MCM8: variants seen among roughly 807,000 people sequenced by gnomAD.
The protein encoded by MCM8 is DNA helicase MCM8.
A neutral mutation model predicts 98.9 loss-of-function variants in MCM8; 85 were observed. That is an observed-to-expected ratio of 0.86 (90% CI 0.72 to 1.03). MCM8 has a LOEUF of 1.03. Ranked by LOEUF, MCM8 falls within the 50% of genes least tolerant of loss-of-function variation. The pLI is 0.00. For synonymous variants in MCM8, 352 were observed against 338.6 expected (o/e 1.04, Z -0.44); for missense variants, 951 against 997.8 (o/e 0.95, Z 0.63).
rs1352876924 is a variant in MCM8 at position 5,995,843 on chromosome 20, T to C, written c.*1452T>C. 1 of 152,164 alleles carries C rather than the reference T, an allele frequency of 6.6e-6. No homozygotes were observed. 9.4% of individuals were successfully genotyped at this position (152,164 alleles called of 1,614,324 possible). On this transcript the variant is annotated 3_prime_UTR_variant, in exon 19 of 19. Coordinates refer to ENST00000610722, the MANE Select transcript of MCM8 (RefSeq NM_032485.6). ...TTGGAGAATCTACTAAAATACGGCT[T>C]CCCGCAAACGAAGATGAATGGAAAA...
At chr20:5,985,573 C>G (rs1248564196) in intron 15 of MCM8, among the ~76,000 whole-genome samples, 3 of 151,698 alleles carry the variant, frequency 2.0e-5, no homozygotes, top group African/African-American at 7.3e-5. Flanking sequence ...GAGACATAGT[C>G]TCACTCTTAT....
rs970983979 is a variant in MCM8, at chr20:5,961,917, G to A, written c.790-1357G>A. The stretch of plus-strand genomic sequence containing the variant: ...TCTCTATTCCCGCCACTATTGTTGC[G>A]TAACACATCACTCCAAAACTCAGTG... On this transcript the variant is annotated intron_variant, in intron 7 of 18. Transcript: ENST00000610722. 5.3e-5 allele frequency among the ~76,000 whole-genome samples: 8 copies of A among 152,266 alleles called. No individual in the cohort carries two copies. The East Asian group carries it at 5.8e-4, about 11-fold the overall frequency.
At chr20:5,958,376 A>G (rs2089043200) in intron 6 of MCM8, 152 bp from the exon 7 acceptor site, 1 of 671,930 alleles carries the variant, frequency 1.5e-6, no homozygotes, top group Non-Finnish European at 2.5e-6. Context: ...TCAAGAAAAC[A>G]AAACACAACA....
At position 5,952,032 on chromosome 20, in the gene MCM8, G is replaced by A; in HGVS notation, c.17G>A (p.Arg6Lys). Residue 6 changes from arginine to lysine, a missense_variant, in exon 2 of 19, where the codon AGA becomes AAA. Physicochemically the swap from Arg to Lys is conservative, Grantham distance 26. Transcript: ENST00000610722. MNGEY[R>K]GRGFGRGRFQ... ...TTAGGAGAGATGAATGGAGAGTATAGAGGCAGAGGATTTGGACGAGGAAGA... is the reference window on the plus strand; with the variant it reads ...TTAGGAGAGATGAATGGAGAGTATAAAGGCAGAGGATTTGGACGAGGAAGA... The A allele has an allele frequency of 6.2e-7, 1 of 1,613,838 alleles. No homozygotes were observed.
chr20:5,954,148 A>G (rs2088909770), intron 3 of MCM8, among the ~76,000 whole-genome samples: 1 of 144,996 alleles, frequency 6.9e-6, no homozygotes, highest in Non-Finnish European at 1.5e-5. Context: ...TTAGAGTGTT[A>G]AAAAAAAAAA....
In MCM8 at chr20:5,958,619, G is replaced by T. The variant is rs564333787; in HGVS notation, c.682G>T (p.Val228Phe). 9.7e-5 allele frequency: 156 copies of T among 1,614,124 alleles called. No homozygotes were observed. Among genetic ancestry groups the T allele is most frequent in the Non-Finnish European group, 1.3e-4 (148 of 1,180,006 alleles). ...TGCTCTAAGAGGGACAGTGGTTCGT[G>T]TCAGTAATATAAAGCCTCTTTGCAC... Reference protein sequence around the residue: ...YIALRGTVVRVSNIKPLCTKM... With the variant: ...YIALRGTVVRFSNIKPLCTKM... Residue 228 changes from valine to phenylalanine, a missense_variant, in exon 7 of 19, where the codon GTC becomes TTC. Physicochemically the swap from Val to Phe is conservative, Grantham distance 50. Coordinates refer to ENST00000610722, the MANE Select transcript of MCM8 (RefSeq NM_032485.6).
intron 10 of MCM8, among the ~76,000 whole-genome samples, chr20:5,970,585 A>G (rs906342162): frequency 1.3e-5 from 2 of 152,210 alleles, no homozygotes; most frequent in African/African-American, 4.8e-5. Context: ...TTGTGTGGCC[A>G]TAGAAAGGTC....
chr20:5,991,147 T>C (rs894442950), intron 17 of MCM8: 14 of 152,266 alleles, frequency 9.2e-5, no homozygotes, highest in African/African-American at 3.1e-4. Context: ...CTCAACTGTT[T>C]ACTGTTTCCC....
intron 10 of MCM8, among the ~76,000 whole-genome samples, chr20:5,968,296 G>A (rs1483101331): frequency 6.6e-6 from 1 of 152,196 alleles, no homozygotes; most frequent in African/African-American, 2.4e-5. Context: ...TGTAATCCCA[G>A]CACTTTGGGA....
chr20:5,957,468 T>C (rs985357582), intron 6 of MCM8, among the ~76,000 whole-genome samples: 10 of 152,172 alleles, frequency 6.6e-5, no homozygotes, highest in South Asian at 2.1e-4. Context: ...TTTGTAAACA[T>C]TGGTTTTGGA....
intron 8 of MCM8, among the ~76,000 whole-genome samples, chr20:5,966,194 A>G (rs2089270612): frequency 6.6e-6 from 1 of 151,050 alleles, no homozygotes; most frequent in East Asian, 1.9e-4. Context: ...CCTCTTTGTA[A>G]CCATTTTATC....
chr20:5,991,019 C>G (rs1188496558), intron 17 of MCM8: 2 of 152,184 alleles, frequency 1.3e-5, no homozygotes, highest in African/African-American at 4.8e-5. Flanking sequence ...GACTGTTCAT[C>G]TGTCGAGCAA....
At chr20:5,965,472 A>G (rs1435981358) in intron 8 of MCM8, 1 of 152,138 alleles carries the variant, frequency 6.6e-6, no homozygotes, top group Non-Finnish European at 1.5e-5. Context: ...GTAAGTCCTT[A>G]TTATGGCGGT....
chr20:5,986,885 G>A (rs1807686275), intron 16 of MCM8, among the ~76,000 whole-genome samples: 1 of 152,178 alleles, frequency 6.6e-6, no homozygotes, highest in South Asian at 2.1e-4. Context: ...GGAGTTCAGT[G>A]GCATGATCAA....
In MCM8 at chr20:5,996,352, G is replaced by T. The variant is rs2089957497; in HGVS notation, c.*1961G>T. 1 of 149,618 alleles carries T rather than the reference G, an allele frequency of 6.7e-6. No homozygotes were observed. Among genetic ancestry groups the T allele is most frequent in the Admixed American group, 6.7e-5 (1 of 14,924 alleles). The allele number at this position is 149,618 out of a possible 1,614,324, so 9.3% of individuals were successfully genotyped here. A position where few individuals can be genotyped will look rare whatever the true frequency, so the allele number is the denominator to read the frequency against. On this transcript the variant is annotated 3_prime_UTR_variant, in exon 19 of 19. Coordinates refer to ENST00000610722, the MANE Select transcript of MCM8 (RefSeq NM_032485.6). The stretch of plus-strand genomic sequence containing the variant: ...AGTCTTTAAAAGCTAGGAGTTAAAA[G>T]ATATTTAAAGCAAATAACTCAGGCA...
rs1487291804 is a variant in MCM8 at position 5,967,544 on chromosome 20, A to G, written c.984A>G (p.Thr328=). ...TGGATAGCTGTGTCCCGGGAGACAC[A>G]GTGACTATTACTGGAATTGTCAAAG... The part of the protein sequence containing the change: ...DLVDSCVPGD[T]VTITGIVKVS... The change falls in exon 9 of 19, where the codon ACA becomes ACG. Residue 328 remains threonine, a synonymous_variant. Transcript: ENST00000610722. 3 of 1,613,808 alleles carry G rather than the reference A, an allele frequency of 1.9e-6. No homozygotes were observed. Among genetic ancestry groups the G allele is most frequent in the Non-Finnish European group, 2.5e-6 (3 of 1,179,844 alleles).
At chr20:5,966,580 A>T (rs2122714533) in intron 8 of MCM8, among the ~76,000 whole-genome samples, 1 of 152,250 alleles carries the variant, frequency 6.6e-6, no homozygotes, top group East Asian at 1.9e-4. Context: ...TTGCCATTTA[A>T]TTTTCAAATG....
intron 12 of MCM8, among the ~76,000 whole-genome samples, chr20:5,973,803 C>T (rs1248111470): frequency 6.6e-6 from 1 of 152,102 alleles, no homozygotes; most frequent in African/African-American, 2.4e-5. Flanking sequence ...TATAGGTGCG[C>T]ACCACCACGC....
At chr20:5,965,184 A>G (rs1248972909) in intron 8 of MCM8, 1 of 152,228 alleles carries the variant, frequency 6.6e-6, no homozygotes, top group Non-Finnish European at 1.5e-5. Context: ...AAAATGCCCG[A>G]TATGGCATTC....
Sources: allele counts gnomAD v4.1 joint callset (sites outside exome capture counted in the v4.1 genomes callset), GRCh38; gene constraint gnomAD v4.1.1; transcripts MANE v1.5; gene names NCBI Gene and HGNC (gene_info 2026-07-23, HGNC 2026-07-21).